The following MSL2 variants were observed in gnomAD, a reference collection of about 807,000 sequenced individuals.
The protein encoded by MSL2 is E3 ubiquitin-protein ligase MSL2.
In MSL2, 2 loss-of-function variants were observed where a neutral mutation model predicts 35.8. That is an observed-to-expected ratio of 0.06 (90% CI 0.02 to 0.18). MSL2 has a LOEUF of 0.18. Among genes scored for constraint, MSL2 ranks in the 10% least tolerant of loss-of-function variants. The pLI, the probability that MSL2 is intolerant of heterozygous loss-of-function variation, is 1.00. For synonymous variants in MSL2, 296 were observed against 255.7 expected, an observed-to-expected ratio of 1.16 and a Z score of -1.50; for missense variants, 523 against 706.7, an observed-to-expected ratio of 0.74 and a Z score of 2.95.
At chr3:136,164,491 ACT>A (rs565485468) in intron 1 of MSL2, among the ~76,000 whole-genome samples, 121 of 152,216 alleles carry the variant, frequency 7.9e-4, no homozygotes, top group African/African-American at 2.5e-3. Flanking sequence ...AACCATCCTA[ACT>A]CTTCAAAGTT....
chr3:136,177,943 GT>G (rs1270995619), intron 1 of MSL2, among the ~76,000 whole-genome samples: 1 of 152,106 alleles, frequency 6.6e-6, no homozygotes, highest in Non-Finnish European at 1.5e-5. Flanking sequence ...AAACTTCGGA[GT>G]TTTTTTAATT....
In MSL2 at chr3:136,152,245, A is replaced by C; in HGVS notation, c.636T>G (p.Pro212=). 6.2e-7 allele frequency: 1 copy of C among 1,614,136 alleles called. No homozygotes were observed. Among genetic ancestry groups the C allele is most frequent in the South Asian group, 1.1e-5 (1 of 91,090 alleles). The change falls in exon 2 of 2, where the codon CCT becomes CCG. Residue 212 remains proline (P), a synonymous_variant. Transcript: ENST00000309993. ...IDRFGINIPS[P]EHSNTIDVCN... is the part of the protein sequence containing the mutation. ...ATACGTCAATCGTATTTGAATGTTC[A>C]GGTGAAGGAATATTTATACCAAATC...
intron 1 of MSL2, among the ~76,000 whole-genome samples, chr3:136,190,659 TTTGATTGTATACATCAGAC>T (rs1427359239): frequency 6.6e-6 from 1 of 152,240 alleles, no homozygotes; most frequent in Non-Finnish European, 1.5e-5. Flanking sequence ...TAACAGGATT[TTTGATTGTATACATCAGAC>T]TTGTTACATC....
intron 1 of MSL2, among the ~76,000 whole-genome samples, chr3:136,164,062 A>G (rs892358077): frequency 6.6e-5 from 10 of 152,262 alleles, no homozygotes; most frequent in African/African-American, 2.4e-4. Context: ...TAAAATGTTC[A>G]AATCTGAGTT....
At chr3:136,178,972 T>C (rs1008323328) in intron 1 of MSL2, among the ~76,000 whole-genome samples, 1 of 147,262 alleles carries the variant, frequency 6.8e-6, no homozygotes, top group Non-Finnish European at 1.5e-5. Context: ...GTTATTTTGT[T>C]GGTTTTCTTT....
At chr3:136,160,087 T>C (rs1199227818) in intron 1 of MSL2, among the ~76,000 whole-genome samples, 1 of 148,626 alleles carries the variant, frequency 6.7e-6, no homozygotes, top group Non-Finnish European at 1.5e-5. Flanking sequence ...GCCTGGCCAA[T>C]GTGGCAAAAC....
chr3:136,192,933 T>A (rs1438643440), intron 1 of MSL2, among the ~76,000 whole-genome samples: 1 of 152,196 alleles, frequency 6.6e-6, no homozygotes, highest in Admixed American at 6.5e-5. Context: ...TTTATAATCA[T>A]AGACTTACGT....
intron 1 of MSL2, among the ~76,000 whole-genome samples, chr3:136,192,601 G>A (rs1213666762): frequency 1.3e-5 from 2 of 151,558 alleles, no homozygotes; most frequent in Non-Finnish European, 2.9e-5. Context: ...AAAAGAAAAA[G>A]ATATAAAAAA....
chr3:136,195,622 G>T lies in MSL2; in HGVS notation c.-509C>A, dbSNP rs534095893. 230 of 980,634 alleles carry T rather than the reference G, an allele frequency of 2.3e-4. No individual in the cohort carries two copies. The highest frequency in any genetic ancestry group is 5.3e-4 in the Middle Eastern group (1 of 1,898). 60.7% of individuals were successfully genotyped at this position (980,634 alleles called of 1,614,324 possible). ...GGCGCGGAGGCGGCGGCGACGGCAA[G>T]GACGACGGTCGGGCAGCGGCTTCCC... On this transcript the variant is annotated 5_prime_UTR_variant, in exon 1 of 2. Coordinates refer to ENST00000309993, the MANE Select transcript of MSL2 (RefSeq NM_018133.4).
At chr3:136,174,120 TG>T (rs1287229475) in intron 1 of MSL2, among the ~76,000 whole-genome samples, 1 of 152,260 alleles carries the variant, frequency 6.6e-6, no homozygotes, top group African/African-American at 2.4e-5. Context: ...CATTGTTCAC[TG>T]GGTCTCACTC....
Position 136,151,870 on chromosome 3 carries a change from T to C in MSL2, c.1011A>G (p.Lys337=), listed in dbSNP as rs746619520. ...SCTAATPKIA[K]LNRKRSRSES... ...CTGATCTGGATCGTTTTCTATTCAA[T>C]TTTGCTATCTTCGGAGTTGCTGCTG... Residue 337 remains lysine, a synonymous_variant, in exon 2 of 2, where the codon AAA becomes AAG. Coordinates refer to ENST00000309993, the MANE Select transcript of MSL2 (RefSeq NM_018133.4). The surrounding 1 kb of genome is among the most constrained non-coding windows in gnomAD (Gnocchi z 5.2). 1.9e-6 allele frequency: 3 copies of C among 1,614,178 alleles called. No individual in the cohort carries two copies. Among genetic ancestry groups the C allele is most frequent in the Non-Finnish European group, 2.5e-6 (3 of 1,180,036 alleles).
chr3:136,175,453 G>A (rs935299145), intron 1 of MSL2, among the ~76,000 whole-genome samples: 3 of 151,804 alleles, frequency 2.0e-5, no homozygotes, highest in Admixed American at 1.3e-4. Context: ...TGGGAGGCTG[G>A]GGCAGGAGGA....
chr3:136,171,258 A>AC (rs1192989935), intron 1 of MSL2, among the ~76,000 whole-genome samples: 3 of 152,164 alleles, frequency 2.0e-5, no homozygotes, highest in Admixed American at 6.5e-5. Flanking sequence ...TGTGCAGAAA[A>AC]CTTATGAAGA....
At chr3:136,158,991 C>T (rs1318462872) in intron 1 of MSL2, among the ~76,000 whole-genome samples, 2 of 152,082 alleles carry the variant, frequency 1.3e-5, no homozygotes, top group Admixed American at 6.6e-5. Flanking sequence ...AGAAGACTAC[C>T]AATATATTGT....
chr3:136,150,897 A>C lies in MSL2; in HGVS notation c.*250T>G. 1 of 452,350 alleles carries C rather than the reference A, an allele frequency of 2.2e-6. No homozygotes were observed. Among genetic ancestry groups the C allele is most frequent in the Non-Finnish European group, 4.0e-6 (1 of 251,972 alleles). The allele number at this position is 452,350 out of a possible 1,614,324, so 28.0% of individuals were successfully genotyped here. A position where few individuals can be genotyped will look rare whatever the true frequency, so the allele number is the denominator to read the frequency against. ...TTTCTTGCCAAAGTTCATTTTGTAT[A>C]AATCAGTTGCATCAGCTTTGTTCTC... On this transcript the variant is annotated 3_prime_UTR_variant, in exon 2 of 2. Coordinates refer to ENST00000309993, the MANE Select transcript of MSL2 (RefSeq NM_018133.4).
At chr3:136,171,766 G>A (rs888344417) in intron 1 of MSL2, among the ~76,000 whole-genome samples, 39 of 152,130 alleles carry the variant, frequency 2.6e-4, no homozygotes, top group Non-Finnish European at 4.4e-4. Context: ...ATTCCAAGAC[G>A]TATGGCCAGG....
At chr3:136,179,277 C>A (rs1940271017) in intron 1 of MSL2, among the ~76,000 whole-genome samples, 1 of 152,142 alleles carries the variant, frequency 6.6e-6, no homozygotes, top group South Asian at 2.1e-4. Context: ...GCCTCAACCT[C>A]CTGGGTTCAA....
At chr3:136,178,679 C>T (rs990553537) in intron 1 of MSL2, among the ~76,000 whole-genome samples, 1 of 151,770 alleles carries the variant, frequency 6.6e-6, no homozygotes, top group Non-Finnish European at 1.5e-5. Flanking sequence ...AAATTACAGG[C>T]GCCCACCATG....
chr3:136,158,164 T>C (rs1216160703), intron 1 of MSL2, among the ~76,000 whole-genome samples: 1 of 151,812 alleles, frequency 6.6e-6, no homozygotes, highest in Non-Finnish European at 1.5e-5. Flanking sequence ...ATGCAAAAAT[T>C]AGCCGGGCGT....
Sources: allele counts gnomAD v4.1 joint callset (sites outside exome capture counted in the v4.1 genomes callset), GRCh38; gene constraint gnomAD v4.1.1; non-coding constraint Gnocchi (gnomAD v3.1); transcripts MANE v1.5; gene names NCBI Gene and HGNC (gene_info 2026-07-23, HGNC 2026-07-21).